CNMD: variants seen among roughly 807,000 people sequenced by gnomAD.
CNMD encodes leukocyte cell-derived chemotaxin 1.
In CNMD, 30 loss-of-function variants were observed where a neutral mutation model predicts 37.5. The ratio of observed to expected loss-of-function variants is 0.80; its 90% CI spans 0.60 to 1.09. The LOEUF (loss-of-function observed/expected upper bound fraction) is 1.09, where lower values mean the gene tolerates loss of function less well. Ranked by LOEUF, CNMD falls within the 50% of genes least tolerant of loss-of-function variation. The pLI is 0.00. For missense variants in CNMD, 398 were observed against 423.9 expected, an observed-to-expected ratio of 0.94 and a Z score of 0.54; for synonymous variants, 167 against 148.2, an observed-to-expected ratio of 1.13 and a Z score of -0.92.
At chr13:52,731,210 T>C (rs1289490039) in intron 3 of CNMD, among the ~76,000 whole-genome samples, 4 of 152,198 alleles carry the variant, frequency 2.6e-5, no homozygotes, top group Admixed American at 6.5e-5. Flanking sequence ...TCATAACTCA[T>C]TGGAACACGT....
At chr13:52,707,033 A>C (rs1009153176) in intron 6 of CNMD, among the ~76,000 whole-genome samples, 1 of 151,988 alleles carries the variant, frequency 6.6e-6, no homozygotes, top group South Asian at 2.1e-4. Flanking sequence ...AGCTGGGACT[A>C]TAGGTGCACG....
intron 2 of CNMD, 85 bp from the exon 3 acceptor site, chr13:52,733,444 G>A: frequency 8.4e-7 from 1 of 1,197,060 alleles, no homozygotes; most frequent in Non-Finnish European, 1.2e-6. Flanking sequence ...ATGAGGTAGT[G>A]TCCATATGTT....
chr13:52,707,301 C>G (rs1964198934), intron 6 of CNMD, among the ~76,000 whole-genome samples: 2 of 150,384 alleles, frequency 1.3e-5, no homozygotes, highest in South Asian at 4.3e-4. Flanking sequence ...GTTTTTAGCA[C>G]CTCGTGTCAT....
intron 3 of CNMD, among the ~76,000 whole-genome samples, chr13:52,730,128 CATGTCCCTGCAA>C (rs1239730490): frequency 1.3e-5 from 2 of 152,076 alleles, no homozygotes; most frequent in Non-Finnish European, 2.9e-5. Context: ...CAGCTTCATC[CATGTCCCTGCAA>C]AGGACATGAA....
At chr13:52,722,180 G>A (rs1964495600) in intron 4 of CNMD, among the ~76,000 whole-genome samples, 1 of 152,052 alleles carries the variant, frequency 6.6e-6, no homozygotes, top group Admixed American at 6.6e-5. Context: ...AGGAAGGTCT[G>A]GAATACATCT....
At chr13:52,738,856 C>T (rs1246670230) in intron 2 of CNMD, among the ~76,000 whole-genome samples, 175 bp downstream of exon 2, 1 of 152,206 alleles carries the variant, frequency 6.6e-6, no homozygotes, top group African/African-American at 2.4e-5. Flanking sequence ...TGCTTTTCTA[C>T]AACGTTGACC....
chr13:52,736,142 C>T (rs547557905), intron 2 of CNMD, among the ~76,000 whole-genome samples: 54 of 152,240 alleles, frequency 3.5e-4, no homozygotes, highest in Admixed American at 7.2e-4. Flanking sequence ...TGCAGGTGCC[C>T]GCCACCAGGC....
rs373230176 is a variant in CNMD at position 52,738,996 on chromosome 13, C to T, written c.213+35G>A. ...CTCCCCCTAGGGGCACCATGGGCGA[C>T]ACGGGGGTCCCCGCGCGCCGCCCTC... On this transcript the variant is annotated intron_variant, in intron 2 of 6. Coordinates refer to ENST00000377962, the MANE Select transcript of CNMD (RefSeq NM_007015.3). 173 of 1,536,430 alleles carry T rather than the reference C, an allele frequency of 1.1e-4. 1 individual carries two copies. The Middle Eastern group carries it at 1.5e-3, about 13-fold the overall frequency.
At chr13:52,723,037 C>T (rs1964508813) in intron 4 of CNMD, among the ~76,000 whole-genome samples, 1 of 152,146 alleles carries the variant, frequency 6.6e-6, no homozygotes, top group Non-Finnish European at 1.5e-5. Context: ...TTGTGGGTCC[C>T]TTTAATGAAG....
chr13:52,704,362 G>T (rs1340693217), intron 6 of CNMD, among the ~76,000 whole-genome samples: 1 of 152,146 alleles, frequency 6.6e-6, no homozygotes, highest in Non-Finnish European at 1.5e-5. Flanking sequence ...ACAGAATGGG[G>T]ATGTTATCTC....
intron 6 of CNMD, among the ~76,000 whole-genome samples, 181 bp downstream of exon 6, chr13:52,708,355 G>C (rs1441464338): frequency 2.6e-5 from 4 of 151,844 alleles, no homozygotes; most frequent in Non-Finnish European, 5.9e-5. Flanking sequence ...CTAATTTTTT[G>C]TATCTTTAGT....
chr13:52,718,542 T>A (rs1316917946), intron 4 of CNMD, among the ~76,000 whole-genome samples: 1 of 152,170 alleles, frequency 6.6e-6, no homozygotes, highest in African/African-American at 2.4e-5. Flanking sequence ...GTACATTGTG[T>A]TTTTGTTCTC....
chr13:52,713,039 C>T (rs562982948), intron 4 of CNMD, among the ~76,000 whole-genome samples, 170 bp from the exon 5 acceptor site: 1 of 152,280 alleles, frequency 6.6e-6, no homozygotes, highest in African/African-American at 2.4e-5. Context: ...CTTTGTAGCT[C>T]TTTTCACAAT....
intron 5 of CNMD, among the ~76,000 whole-genome samples, chr13:52,710,457 C>T (rs546936944): frequency 6.6e-5 from 10 of 152,330 alleles, no homozygotes; most frequent in African/African-American, 2.2e-4. Flanking sequence ...CAGCTCTCCC[C>T]GTTCCCCTCT....
At chr13:52,703,840 A>G (rs1964131026) in intron 6 of CNMD, 30 bp from the exon 7 acceptor site, 12 of 1,581,702 alleles carry the variant, frequency 7.6e-6, no homozygotes, top group Non-Finnish European at 1.0e-5. Context: ...TATTTGTGAT[A>G]ACTGCATAGT....
At position 52,712,685 on chromosome 13, in the gene CNMD, G is replaced by GT. The variant is rs752869305; in HGVS notation, c.622+30dup. 45 of 1,422,792 alleles carry GT rather than the reference G, an allele frequency of 3.2e-5. No homozygotes were observed. The Admixed American group carries it at 6.3e-4, about 20-fold the overall frequency. 88.1% of individuals were successfully genotyped at this position (1,422,792 alleles called of 1,614,324 possible). On this transcript the variant is annotated intron_variant, in intron 5 of 6. Coordinates refer to ENST00000377962, the MANE Select transcript of CNMD (RefSeq NM_007015.3). ...CTCACATGCATGAACAGGGAAAGTT[G>GT]TAAACAGCTTAAGATAATTTAAAAT...
chr13:52,720,812 T>G (rs1964470095), intron 4 of CNMD, among the ~76,000 whole-genome samples: 1 of 152,190 alleles, frequency 6.6e-6, no homozygotes, highest in South Asian at 2.1e-4. Context: ...AGTCTGTCCC[T>G]TAGCCAAGCT....
At chr13:52,738,172 T>C (rs1964805663) in intron 2 of CNMD, among the ~76,000 whole-genome samples, 1 of 152,214 alleles carries the variant, frequency 6.6e-6, no homozygotes, top group South Asian at 2.1e-4. Context: ...GCCCTGGAGA[T>C]GGAATTCTTT....
intron 2 of CNMD, among the ~76,000 whole-genome samples, chr13:52,735,492 G>A (rs1964741628): frequency 6.6e-6 from 1 of 151,998 alleles, no homozygotes; most frequent in African/African-American, 2.4e-5. Context: ...TAGAAGAGTG[G>A]CCTGTGGTTT....
Sources: gnomAD v4.1 joint callset for allele counts (sites outside exome capture counted in the v4.1 genomes callset) on GRCh38, gnomAD v4.1.1 for gene constraint, MANE v1.5 for transcripts, NCBI Gene and HGNC (gene_info 2026-07-23, HGNC 2026-07-21) for gene names.